The following MDGA2 variants were observed in gnomAD, a reference collection of about 807,000 sequenced individuals.
MDGA2 encodes MAM domain-containing glycosylphosphatidylinositol anchor protein 2.
MDGA2 carries 40 observed loss-of-function variants against 117.8 expected under a neutral mutation model. The observed-to-expected ratio is 0.34, with a 90% CI of 0.26 to 0.44. MDGA2 has a LOEUF of 0.44. Among genes scored for constraint, MDGA2 ranks in the 20% least tolerant of loss-of-function variants. The pLI, the probability that MDGA2 is intolerant of heterozygous loss-of-function variation, is 1.00. For missense variants in MDGA2, 1,123 were observed against 1,250.6 expected (o/e 0.90, Z 1.54); for synonymous variants, 452 against 439.0 (o/e 1.03, Z -0.37).
At chr14:47,549,084 T>G (rs1231452360) in intron 1 of MDGA2, among the ~76,000 whole-genome samples, 1 of 151,614 alleles carries the variant, frequency 6.6e-6, no homozygotes, top group African/African-American at 2.4e-5. Flanking sequence ...GAGGATGGAG[T>G]TTTTTGAGGG....
chr14:47,538,969 G>T (rs538755086), intron 1 of MDGA2, among the ~76,000 whole-genome samples: 5 of 152,298 alleles, frequency 3.3e-5, no homozygotes, highest in African/African-American at 1.2e-4. Flanking sequence ...CTAGGATTCA[G>T]ATCACTGGAG....
chr14:46,982,057 G>A lies in MDGA2; in HGVS notation c.1820-24414C>T, dbSNP rs575513395. On this transcript the variant is annotated intron_variant, in intron 8 of 16. Coordinates refer to ENST00000399232, the MANE Select transcript of MDGA2 (RefSeq NM_001113498.3). The stretch of plus-strand genomic sequence containing the variant: ...TCCAATCATACATTCATAAGTATTT[G>A]AGCATCACCTAAATATTAAATACTC... 4.6e-5 allele frequency among the ~76,000 whole-genome samples: 7 copies of A among 152,270 alleles called. No individual in the cohort carries two copies. In the South Asian group the frequency reaches 1.5e-3, roughly 32 times the overall value.
At chr14:47,234,028 A>G (rs1886778357) in intron 2 of MDGA2, among the ~76,000 whole-genome samples, 1 of 152,144 alleles carries the variant, frequency 6.6e-6, no homozygotes. Context: ...TGGCTAGTTC[A>G]AATTAAAAAC....
chr14:47,445,769 A>T (rs1893109165), intron 1 of MDGA2, among the ~76,000 whole-genome samples: 1 of 152,126 alleles, frequency 6.6e-6, no homozygotes, highest in Non-Finnish European at 1.5e-5. Flanking sequence ...GAACAAAGAG[A>T]AAAATTGCTG....
intron 1 of MDGA2, among the ~76,000 whole-genome samples, chr14:47,653,911 A>C (rs2138275716): frequency 6.6e-6 from 1 of 152,310 alleles, no homozygotes; most frequent in South Asian, 2.1e-4. Flanking sequence ...TCTCCCTTAG[A>C]GCTTTCAAAA....
At chr14:46,862,985 G>A (rs944629927) in intron 14 of MDGA2, among the ~76,000 whole-genome samples, 15 of 151,984 alleles carry the variant, frequency 9.9e-5, no homozygotes, top group African/African-American at 3.1e-4. Flanking sequence ...GTACATTAGA[G>A]TCCAAAATGT....
At chr14:47,540,563 T>TATATATATAC (rs370481455) in intron 1 of MDGA2, among the ~76,000 whole-genome samples, 58 of 112,498 alleles carry the variant, frequency 5.2e-4, no homozygotes, top group East Asian at 2.1e-3. Context: ...TGTATATATA[T>TATATATATAC]ACACACACAC....
At chr14:47,269,854 A>G (rs1030502902) in intron 2 of MDGA2, among the ~76,000 whole-genome samples, 2 of 152,194 alleles carry the variant, frequency 1.3e-5, no homozygotes, top group Admixed American at 1.3e-4. Flanking sequence ...TTCTTTCAAC[A>G]TATGACAAAA....
intron 1 of MDGA2, among the ~76,000 whole-genome samples, chr14:47,657,112 C>G (rs993301529): frequency 5.9e-5 from 9 of 152,142 alleles, no homozygotes; most frequent in African/African-American, 2.2e-4. Context: ...TTCCAGCCTC[C>G]AGATGTCAAG....
chr14:46,978,487 C>T (rs1421994058), intron 8 of MDGA2, among the ~76,000 whole-genome samples: 1 of 152,002 alleles, frequency 6.6e-6, no homozygotes, highest in African/African-American at 2.4e-5. Flanking sequence ...ATAGTGGATG[C>T]TCTCATGATA....
At chr14:47,058,720 G>C in intron 7 of MDGA2, 9 of 985,172 alleles carry the variant, frequency 9.1e-6, no homozygotes, top group Non-Finnish European at 1.1e-5. Flanking sequence ...AAGCAAATTG[G>C]AACATCAAAG....
intron 3 of MDGA2, among the ~76,000 whole-genome samples, chr14:47,156,775 C>A (rs965652555): frequency 6.6e-6 from 1 of 152,168 alleles, no homozygotes; most frequent in Admixed American, 6.5e-5. Context: ...AAATCCTATA[C>A]AGAAGATATA....
intron 5 of MDGA2, among the ~76,000 whole-genome samples, chr14:47,117,678 T>C (rs1047332101): frequency 6.6e-6 from 1 of 152,090 alleles, no homozygotes; most frequent in Non-Finnish European, 1.5e-5. Flanking sequence ...TGCATTTATA[T>C]AAGGTACCTA....
chr14:47,646,680 A>G (rs2138259462), intron 1 of MDGA2, among the ~76,000 whole-genome samples: 1 of 152,332 alleles, frequency 6.6e-6, no homozygotes, highest in Non-Finnish European at 1.5e-5. Flanking sequence ...ATTTCTATGA[A>G]TAAAAGTTTT....
intron 1 of MDGA2, among the ~76,000 whole-genome samples, chr14:47,442,827 T>A (rs2138551774): frequency 6.6e-6 from 1 of 152,252 alleles, no homozygotes; most frequent in South Asian, 2.1e-4. Context: ...CTTCCAGAAA[T>A]AACTCCTAAC....
intron 5 of MDGA2, among the ~76,000 whole-genome samples, chr14:47,115,917 T>C (rs1415522664): frequency 1.3e-5 from 2 of 152,018 alleles, no homozygotes; most frequent in Admixed American, 1.3e-4. Flanking sequence ...AACACAGTAG[T>C]GTTAGTCCCA....
In MDGA2 at chr14:46,842,036, T is replaced by C; in HGVS notation, c.2990-17A>G. On this transcript the variant is annotated splice_polypyrimidine_tract_variant and intron_variant, in intron 16 of 16. Coordinates refer to ENST00000399232, the MANE Select transcript of MDGA2 (RefSeq NM_001113498.3). ...CAACGGAATCTAAAGATAAGGAAAA[T>C]AAATGCAAACAAAAAAAGAAGAATA... 1 of 1,574,594 alleles carries C rather than the reference T, an allele frequency of 6.4e-7. No homozygotes were observed. The highest frequency in any genetic ancestry group is 8.7e-7 in the Non-Finnish European group (1 of 1,146,454).
chr14:47,531,333 A>G (rs911561699), intron 1 of MDGA2, among the ~76,000 whole-genome samples: 2 of 152,220 alleles, frequency 1.3e-5, no homozygotes, highest in Admixed American at 6.5e-5. Context: ...TCTCCTTTAG[A>G]AAGACTTCAA....
intron 2 of MDGA2, among the ~76,000 whole-genome samples, chr14:47,294,781 C>T (rs1365740962): frequency 6.6e-6 from 1 of 151,956 alleles, no homozygotes; most frequent in East Asian, 1.9e-4. Flanking sequence ...CTGCAAAGAA[C>T]AATACATGTA....
Sources: gnomAD v4.1 joint callset for allele counts (sites outside exome capture counted in the v4.1 genomes callset) on GRCh38, gnomAD v4.1.1 for gene constraint, MANE v1.5 for transcripts, NCBI Gene and HGNC (gene_info 2026-07-23, HGNC 2026-07-21) for gene names.